ACTR3C: variants seen among roughly 807,000 people sequenced by gnomAD.
ACTR3C encodes the protein actin related protein 3C, also known as actin-related protein 3C.
In ACTR3C, 18 loss-of-function variants were observed where a neutral mutation model predicts 26.3. The observed-to-expected ratio is 0.68, with a 90% CI of 0.47 to 1.01. The LOEUF is 1.01. Among genes scored for constraint, ACTR3C ranks in the 50% least tolerant of loss-of-function variants. The pLI is 0.00. For synonymous variants in ACTR3C, 55 were observed against 94.5 expected (o/e 0.58, Z 2.42); for missense variants, 184 against 250.7 (o/e 0.73, Z 1.80).
At chr7:149,889,801 G>C in the ACTR3C span, among the ~76,000 whole-genome samples, 1 of 152,168 alleles carries the variant, frequency 6.6e-6, no homozygotes, top group East Asian at 1.9e-4. Context: ...AGGCTGCAGT[G>C]AGCTAGGATT....
At chr7:150,241,590 T>A (rs1832179101), downstream of ACTR3C, among the ~76,000 whole-genome samples, 1 of 151,962 alleles carries the variant, frequency 6.6e-6, no homozygotes, top group Non-Finnish European at 1.5e-5. Context: ...CGGCAAAAAA[T>A]TTAAAACAGA....
rs574063813 is a variant in ACTR3C, at chr7:150,279,036, G to C, written c.564+5717C>G. Among the ~76,000 whole-genome samples, 280 of 152,184 alleles carry C rather than the reference G, an allele frequency of 1.8e-3. 1 individual carries two copies. Among genetic ancestry groups the C allele is most frequent in the Middle Eastern group, 3.2e-3 (1 of 316 alleles). On this transcript the variant is annotated intron_variant, in intron 6 of 7. Coordinates refer to ENST00000683684, the MANE Select transcript of ACTR3C (RefSeq NM_001164458.2). ...AAATTAAAAATAGAGCCGGCGCAGT[G>C]GTTCACGCCTATAATCCCAGTGCTT...
At chr7:149,910,680 T>C in the ACTR3C span, among the ~76,000 whole-genome samples, 1 of 152,124 alleles carries the variant, frequency 6.6e-6, no homozygotes, top group Non-Finnish European at 1.5e-5. Flanking sequence ...ACTAACTTTA[T>C]TCATTCAATT....
At chr7:150,311,422 C>T (rs1451238214) in intron 1 of ACTR3C, among the ~76,000 whole-genome samples, 1 of 152,180 alleles carries the variant, frequency 6.6e-6, no homozygotes, top group Non-Finnish European at 1.5e-5. Flanking sequence ...ACAAGCTATG[C>T]TCCACTTACC....
the ACTR3C span, among the ~76,000 whole-genome samples, chr7:150,124,207 T>G: frequency 1.7e-4 from 26 of 152,320 alleles, no homozygotes; most frequent in African/African-American, 6.3e-4. Flanking sequence ...TCAGATCTTT[T>G]ACTTTCACTA....
At chr7:150,142,595 C>T in the ACTR3C span, among the ~76,000 whole-genome samples, 9 of 152,142 alleles carry the variant, frequency 5.9e-5, no homozygotes, top group African/African-American at 2.2e-4. Context: ...GTGGTGTGAT[C>T]TCAGCTCACT....
At chr7:149,895,857 T>G in the ACTR3C span, among the ~76,000 whole-genome samples, 1 of 151,764 alleles carries the variant, frequency 6.6e-6, no homozygotes, top group African/African-American at 2.4e-5. Flanking sequence ...TGTTTTTAAT[T>G]AAAAAAATTT....
chr7:150,312,916 A>C (rs560142045), intron 1 of ACTR3C, among the ~76,000 whole-genome samples: 43 of 152,310 alleles, frequency 2.8e-4, no homozygotes, highest in Admixed American at 2.2e-3. Context: ...GAGCAGCTGA[A>C]AAACCACAAA....
chr7:150,046,157 C>G, the ACTR3C span, among the ~76,000 whole-genome samples: 1 of 152,170 alleles, frequency 6.6e-6, no homozygotes, highest in Non-Finnish European at 1.5e-5. Flanking sequence ...AAATCTGACG[C>G]AGGGCTGTAG....
the ACTR3C span, among the ~76,000 whole-genome samples, chr7:150,149,495 TC>T: frequency 3.9e-5 from 1 of 25,386 alleles, no homozygotes. Flanking sequence ...CCCTCCCCCC[TC>T]CCCCCACCCC....
At chr7:150,080,726 A>C in the ACTR3C span, among the ~76,000 whole-genome samples, 2 of 152,202 alleles carry the variant, frequency 1.3e-5, no homozygotes, top group African/African-American at 4.8e-5. Context: ...TCCTGCAGAC[A>C]CCAAAGTGAA....
chr7:150,285,863 A>G (rs529272080), intron 5 of ACTR3C, among the ~76,000 whole-genome samples: 2 of 152,350 alleles, frequency 1.3e-5, no homozygotes, highest in East Asian at 3.9e-4. Flanking sequence ...TCTAATTCTT[A>G]AGATTATCTA....
chr7:150,008,906 C>G, the ACTR3C span, among the ~76,000 whole-genome samples: 1 of 151,854 alleles, frequency 6.6e-6, no homozygotes, highest in East Asian at 1.9e-4. Context: ...TGTTTGGAAG[C>G]CAATAACCCT....
rs79474195 is a variant in ACTR3C at position 150,308,017 on chromosome 7, T to C, written c.-51-12670A>G. Reference sequence around the variant, plus strand: ...ATCTGTGGACTCCAAACTCTGGAGCTGGTCACAGACTCGGGAAGACAGTCT... The same window carrying C: ...ATCTGTGGACTCCAAACTCTGGAGCCGGTCACAGACTCGGGAAGACAGTCT... On this transcript the variant is annotated intron_variant, in intron 1 of 7. Transcript: ENST00000683684. 6.7e-3 allele frequency among the ~76,000 whole-genome samples: 1,014 copies of C among 152,328 alleles called. 17 individuals are homozygous for C. Among genetic ancestry groups the C allele is most frequent in the African/African-American group, 0.022 (930 of 41,574 alleles).
At chr7:149,992,223 G>A in the ACTR3C span, among the ~76,000 whole-genome samples, 41 of 152,382 alleles carry the variant, frequency 2.7e-4, no homozygotes, top group Non-Finnish European at 4.3e-4. Flanking sequence ...AATACCACGT[G>A]TCCCATGTCC....
chr7:150,135,449 G>A, the ACTR3C span, among the ~76,000 whole-genome samples: 1 of 152,158 alleles, frequency 6.6e-6, no homozygotes, highest in Non-Finnish European at 1.5e-5. Context: ...GGACCGGAAT[G>A]GTTAATGAGG....
the ACTR3C span, among the ~76,000 whole-genome samples, chr7:150,203,405 C>G: frequency 6.6e-6 from 1 of 152,174 alleles, no homozygotes; most frequent in East Asian, 1.9e-4. Flanking sequence ...AATAAAGTAT[C>G]AAGTAAGAAG....
chr7:150,283,999 G>T (rs556561845), intron 6 of ACTR3C, among the ~76,000 whole-genome samples: 25 of 151,158 alleles, frequency 1.7e-4, no homozygotes, highest in African/African-American at 6.2e-4. Context: ...TGAAATCTAA[G>T]AATTTTGAAA....
At chr7:150,265,031 C>T (rs1833925867) in intron 6 of ACTR3C, among the ~76,000 whole-genome samples, 1 of 151,974 alleles carries the variant, frequency 6.6e-6, no homozygotes, top group African/African-American at 2.4e-5. Flanking sequence ...ATTTTTACCA[C>T]TGTAATCAAA....
Sources: gnomAD v4.1 joint callset for allele counts (sites outside exome capture counted in the v4.1 genomes callset) on GRCh38, gnomAD v4.1.1 for gene constraint, MANE v1.5 for transcripts, NCBI Gene and HGNC (gene_info 2026-07-23, HGNC 2026-07-21) for gene names.